ZDHHC2: variants seen among roughly 807,000 people sequenced by gnomAD.
The protein encoded by ZDHHC2 is palmitoyltransferase ZDHHC2.
Under a neutral mutation model 55.6 loss-of-function variants are expected in ZDHHC2, and 51 were observed. The observed-to-expected ratio is 0.92, with a 90% CI of 0.73 to 1.16. ZDHHC2 has a LOEUF of 1.16. Among genes scored for constraint, ZDHHC2 ranks in the 50% most tolerant of loss-of-function variants. The pLI is 0.00. For synonymous variants in ZDHHC2, 199 were observed against 152.9 expected (o/e 1.30, Z -2.22); for missense variants, 491 against 442.4 (o/e 1.11, Z -0.99).
At chr8:17,168,854 T>C (rs1182142553) in intron 1 of ZDHHC2, among the ~76,000 whole-genome samples, 2 of 152,158 alleles carry the variant, frequency 1.3e-5, no homozygotes, top group Non-Finnish European at 1.5e-5. Context: ...TGTGTTGTAG[T>C]ATGTGTCAGA....
At chr8:17,173,512 C>A (rs563594324) in intron 1 of ZDHHC2, among the ~76,000 whole-genome samples, 3 of 148,990 alleles carry the variant, frequency 2.0e-5, no homozygotes, top group Admixed American at 2.0e-4. Flanking sequence ...GCTATCGCTA[C>A]AAAAAAAAAT....
chr8:17,196,786 G>A (rs779994862), intron 4 of ZDHHC2, among the ~76,000 whole-genome samples: 107 of 151,878 alleles, frequency 7.0e-4, no homozygotes, highest in Non-Finnish European at 1.1e-3. Flanking sequence ...CATGCCTGTA[G>A]TCCCAGCTAC....
intron 1 of ZDHHC2, among the ~76,000 whole-genome samples, 182 bp from the exon 2 acceptor site, chr8:17,184,607 C>T (rs1805613839): frequency 1.4e-5 from 1 of 72,660 alleles, no homozygotes; most frequent in Non-Finnish European, 2.7e-5. Context: ...CAGCCTCCAG[C>T]CGTTTCCTGC....
At chr8:17,156,941 C>A (rs1025017762) in intron 1 of ZDHHC2, 88 bp downstream of exon 1, 2 of 1,259,188 alleles carry the variant, frequency 1.6e-6, no homozygotes, top group African/African-American at 1.6e-5. Context: ...CCGCTCTCGC[C>A]CCCCGGATGC....
intron 10 of ZDHHC2, among the ~76,000 whole-genome samples, chr8:17,211,304 G>A (rs944931006): frequency 5.3e-5 from 8 of 152,028 alleles, no homozygotes; most frequent in Admixed American, 1.3e-4. Flanking sequence ...TTCATTAAAC[G>A]TTAGAGCTTT....
intron 10 of ZDHHC2, among the ~76,000 whole-genome samples, chr8:17,214,691 T>C (rs555262370): frequency 3.3e-5 from 5 of 152,204 alleles, no homozygotes; most frequent in Admixed American, 3.3e-4. Context: ...GGAGGATCAC[T>C]TGAGACCAGG....
chr8:17,208,550 G>A (rs537965163), intron 8 of ZDHHC2, among the ~76,000 whole-genome samples: 2 of 152,016 alleles, frequency 1.3e-5, no homozygotes, highest in African/African-American at 4.8e-5. Flanking sequence ...ATGCAACCAG[G>A]ACCACACATG....
At chr8:17,196,366 A>G (rs1806307855) in intron 4 of ZDHHC2, among the ~76,000 whole-genome samples, 1 of 152,084 alleles carries the variant, frequency 6.6e-6, no homozygotes, top group Non-Finnish European at 1.5e-5. Context: ...CACTGGTTTC[A>G]AAGACTTAGT....
At chr8:17,209,776 C>G (rs1185389993) in intron 8 of ZDHHC2, among the ~76,000 whole-genome samples, 156 bp from the exon 9 acceptor site, 1 of 152,134 alleles carries the variant, frequency 6.6e-6, no homozygotes, top group Non-Finnish European at 1.5e-5. Flanking sequence ...AATGGACACC[C>G]TATATTTCAG....
chr8:17,160,183 T>C (rs763225728), intron 1 of ZDHHC2, among the ~76,000 whole-genome samples: 12 of 152,262 alleles, frequency 7.9e-5, no homozygotes, highest in Non-Finnish European at 1.5e-4. Context: ...TGCTAACATT[T>C]AAATTGTTTT....
intron 6 of ZDHHC2, among the ~76,000 whole-genome samples, chr8:17,199,577 T>TTTG (rs1806586747): frequency 2.4e-5 from 1 of 41,912 alleles, no homozygotes; most frequent in South Asian, 7.4e-4. Flanking sequence ...CGTCTTTGTC[T>TTTG]TCTTCTTCTT....
intron 3 of ZDHHC2, among the ~76,000 whole-genome samples, chr8:17,190,312 T>C (rs1365476925): frequency 1.3e-5 from 2 of 151,872 alleles, no homozygotes; most frequent in Non-Finnish European, 2.9e-5. Flanking sequence ...CTGTTAGCAG[T>C]GTGATCTCAC....
intron 2 of ZDHHC2, among the ~76,000 whole-genome samples, chr8:17,186,038 A>G (rs1411965706): frequency 1.3e-5 from 2 of 152,190 alleles, no homozygotes; most frequent in East Asian, 1.9e-4. Context: ...CATTTTTACA[A>G]TTTAGAAAAG....
Position 17,156,632 on chromosome 8 carries a change from C to T in ZDHHC2, c.-92C>T. On this transcript the variant is annotated 5_prime_UTR_variant, in exon 1 of 13. Coordinates refer to ENST00000262096, the MANE Select transcript of ZDHHC2 (RefSeq NM_016353.5). Reference sequence around the variant, plus strand: ...GCGCACCCCGCCGCCGCCCAGGAGCCCGTCCAGCCAGGGGTGCCGGGCCCG... The same window carrying T: ...GCGCACCCCGCCGCCGCCCAGGAGCTCGTCCAGCCAGGGGTGCCGGGCCCG... The T allele has an allele frequency of 4.8e-6, 5 of 1,032,082 alleles. No homozygotes were observed. The highest frequency in any genetic ancestry group is 5.9e-6 in the Non-Finnish European group (5 of 848,856). 63.9% of individuals were successfully genotyped at this position (1,032,082 alleles called of 1,614,324 possible).
intron 1 of ZDHHC2, among the ~76,000 whole-genome samples, chr8:17,175,309 T>C (rs1166780409): frequency 6.6e-6 from 1 of 152,074 alleles, no homozygotes; most frequent in Non-Finnish European, 1.5e-5. Context: ...AATTTACTGG[T>C]TTAGTTTTTT....
intron 1 of ZDHHC2, among the ~76,000 whole-genome samples, chr8:17,164,931 C>G (rs957519042): frequency 6.6e-6 from 1 of 152,144 alleles, no homozygotes; most frequent in Non-Finnish European, 1.5e-5. Context: ...ACTTAAAATT[C>G]AGACTGAACT....
chr8:17,199,604 TCTTTCTTCTTCTTCTTCTTC>T (rs1806608976), intron 6 of ZDHHC2, among the ~76,000 whole-genome samples: 1 of 44,692 alleles, frequency 2.2e-5, no homozygotes, highest in African/African-American at 7.8e-5. Context: ...TCTTCTTTAT[TCTTTCTTCTTCTTCTTCTTC>T]CTTTCTTCTT....
chr8:17,189,646 C>G (rs1353999516), intron 3 of ZDHHC2, among the ~76,000 whole-genome samples: 1 of 152,096 alleles, frequency 6.6e-6, no homozygotes, highest in African/African-American at 2.4e-5. Context: ...CAGTGAAGAC[C>G]TAAGTGGGTT....
At chr8:17,184,310 A>T (rs1805592931) in intron 1 of ZDHHC2, among the ~76,000 whole-genome samples, 1 of 152,170 alleles carries the variant, frequency 6.6e-6, no homozygotes, top group African/African-American at 2.4e-5. Context: ...CACTGTGCAT[A>T]AGCATTTGTA....
Sources: allele counts gnomAD v4.1 joint callset (sites outside exome capture counted in the v4.1 genomes callset), GRCh38; gene constraint gnomAD v4.1.1; transcripts MANE v1.5; gene names NCBI Gene and HGNC (gene_info 2026-07-23, HGNC 2026-07-21).